Variants in AFDN observed in about 807,000 individuals in gnomAD.
The protein encoded by AFDN is afadin.
A neutral mutation model predicts 216.6 loss-of-function variants in AFDN; 68 were observed. That is an observed-to-expected ratio of 0.31 (90% CI 0.26 to 0.38). The LOEUF (loss-of-function observed/expected upper bound fraction) is 0.38. Among genes scored for constraint, AFDN ranks in the 10% least tolerant of loss-of-function variants. The pLI, the probability that AFDN is intolerant of heterozygous loss-of-function variation, is 1.00. For missense variants in AFDN, 2,136 were observed against 2,342.0 expected (o/e 0.91, Z 1.82); for synonymous variants, 868 against 853.7 (o/e 1.02, Z -0.29).
intron 11 of AFDN, 45 bp downstream of exon 11, chr6:167,898,512 A>G (rs181558522): frequency 1.3e-6 from 2 of 1,545,452 alleles, no homozygotes; most frequent in Non-Finnish European, 1.8e-6. Flanking sequence ...GATTATACTT[A>G]AAGTAGTTCA....
In AFDN at chr6:167,952,061, G is replaced by A. The variant is rs1275764211; in HGVS notation, c.4707G>A (p.Leu1569=). The A allele has an allele frequency of 5.0e-6, 8 of 1,614,174 alleles. No individual in the cohort carries two copies. Among genetic ancestry groups the A allele is most frequent in the Non-Finnish European group, 6.8e-6 (8 of 1,180,020 alleles). Residue 1569 remains leucine (L), a synonymous_variant, in exon 30 of 34, where the codon CTG becomes CTA. Coordinates refer to ENST00000683244, the MANE Select transcript of AFDN (RefSeq NM_001386888.1). The part of the protein sequence containing the change: ...EESDRLRKLM[L]EWQFQKRLQE... ...GCGACCGGCTGCGCAAGCTCATGCT[G>A]GAGTGGCAGTTCCAGAAGAGACTCC...
At chr6:167,838,836 A>G (rs1316513555) in intron 1 of AFDN, among the ~76,000 whole-genome samples, 1 of 152,206 alleles carries the variant, frequency 6.6e-6, no homozygotes, top group Non-Finnish European at 1.5e-5. Context: ...TGCTCTGAAT[A>G]TTTGATTTTA....
chr6:167,954,731 C>T (rs1465710366), intron 30 of AFDN, among the ~76,000 whole-genome samples: 3 of 152,080 alleles, frequency 2.0e-5, no homozygotes, highest in Admixed American at 6.5e-5. Context: ...GACCTTTTCT[C>T]GGTTTCAGTC....
Position 167,889,216 on chromosome 6 carries a change from T to C in AFDN, c.899T>C (p.Val300Ala). The stretch of plus-strand genomic sequence containing the variant: ...AGTTAATTATTTTTGTTTTTTTAGG[T>C]TATGCTTCCTCCTGGAGCCCAGCAT... ...ENPKDYCIAR[V>A]MLPPGAQHSD... The change falls in exon 7 of 34, where the codon GTT becomes GCT. Residue 300 changes from valine (V) to alanine (A), a missense_variant and splice_region_variant. Physicochemically the swap from Val to Ala is moderately conservative, Grantham distance 64. This residue lies in a region of AFDN where 817 missense variants were observed against 965.7 expected (regional missense o/e 0.85). Transcript: ENST00000683244. The C allele has an allele frequency of 6.2e-7, 1 of 1,612,196 alleles. No homozygotes were observed.
intron 6 of AFDN, 117 bp from the exon 7 acceptor site, chr6:167,889,098 A>G: frequency 1.6e-6 from 1 of 623,564 alleles, no homozygotes; most frequent in Admixed American, 2.9e-5. Flanking sequence ...AATTGTTTCT[A>G]GTGCTTAATT....
chr6:167,868,451 T>A (rs1033485889), intron 2 of AFDN, among the ~76,000 whole-genome samples: 1 of 152,210 alleles, frequency 6.6e-6, no homozygotes, highest in Non-Finnish European at 1.5e-5. Context: ...GTATCTCATA[T>A]TTATCATTTA....
intron 1 of AFDN, among the ~76,000 whole-genome samples, chr6:167,850,757 G>A (rs1056949995): frequency 2.6e-5 from 4 of 152,096 alleles, no homozygotes; most frequent in Non-Finnish European, 5.9e-5. Context: ...TAAGAACATG[G>A]TTATTTTCTG....
intron 1 of AFDN, among the ~76,000 whole-genome samples, chr6:167,832,894 T>A (rs1173762091): frequency 6.6e-6 from 1 of 152,220 alleles, no homozygotes. Flanking sequence ...CTTTACCTTG[T>A]AAGCGTCACT....
At chr6:167,913,337 A>C in intron 15 of AFDN, 66 bp from the exon 16 acceptor site, 1 of 1,466,388 alleles carries the variant, frequency 6.8e-7, no homozygotes, top group Non-Finnish European at 9.2e-7. Context: ...TTTTTAAACT[A>C]TCATGATTGT....
In AFDN at chr6:167,916,491, G is replaced by GT. The variant is rs571776016; in HGVS notation, c.2566-594dup. On this transcript the variant is annotated intron_variant, in intron 19 of 33. Transcript: ENST00000683244. ...ACTTTACAGTGAAAGATGAGTACCA[G>GT]TTTTAAAATGGATGATAATTAACCC... Among the ~76,000 whole-genome samples the GT allele has an allele frequency of 1.1e-3, 172 of 152,272 alleles. 2 individuals carry two copies. The highest frequency in any genetic ancestry group is 4.1e-3 in the African/African-American group (171 of 41,548).
In AFDN at chr6:167,951,609, A is replaced by G; in HGVS notation, c.4255A>G (p.Arg1419Gly). 4.3e-6 allele frequency: 7 copies of G among 1,614,082 alleles called. No homozygotes were observed. Among genetic ancestry groups the G allele is most frequent in the Non-Finnish European group, 5.9e-6 (7 of 1,180,012 alleles). Reference sequence around the variant, plus strand: ...GGTGGCTGCTGCTGAACGGAGAAAGAGAGAAGAACATCAGCGTTGGTATGA... The same window carrying G: ...GGTGGCTGCTGCTGAACGGAGAAAGGGAGAAGAACATCAGCGTTGGTATGA... The part of the protein sequence containing the change: ...AQVAAAERRK[R>G]EEHQRWYEKE... The change falls in exon 30 of 34, where the codon AGA becomes GGA. Residue 1419 changes from arginine to glycine, a missense_variant. By Grantham distance (125) the Arg-to-Gly change is moderately radical. Around this residue, in one of 8 missense-constraint regions of AFDN, gnomAD observed 981 missense variants for 966.0 expected, o/e 1.02. Transcript: ENST00000683244. This position sits in a 1 kb window ranked among gnomAD's most constrained non-coding sequence, Gnocchi z 7.1.
At chr6:167,834,457 G>GTT (rs11446838) in intron 1 of AFDN, among the ~76,000 whole-genome samples, 19,562 of 75,112 alleles carry the variant, frequency 0.26, 3,565 homozygotes, top group East Asian at 0.51. Flanking sequence ...TGTTGTTTCG[G>GTT]TTTTTTTTTT....
chr6:167,827,441 C>T (rs1179147801), intron 1 of AFDN, among the ~76,000 whole-genome samples: 1 of 144,960 alleles, frequency 6.9e-6, no homozygotes, highest in East Asian at 2.0e-4. Context: ...GCGGTGTATC[C>T]CGGGGTCGCG....
chr6:167,851,885 AAAC>A (rs1782349680), intron 1 of AFDN, among the ~76,000 whole-genome samples: 1 of 152,220 alleles, frequency 6.6e-6, no homozygotes, highest in Non-Finnish European at 1.5e-5. Flanking sequence ...TTTTTAAAAA[AAAC>A]AGGTTTACTT....
rs1797927734 is a variant in AFDN at position 167,970,157 on chromosome 6, T to A, written c.*222T>A. On this transcript the variant is annotated 3_prime_UTR_variant, in exon 34 of 34. Transcript: ENST00000683244. The stretch of plus-strand genomic sequence containing the variant: ...TATGTAATTTAAACACTGTCTAGTT[T>A]CTTAATTATCTAACTCACACGAGGG... 4 of 473,922 alleles carry A rather than the reference T, an allele frequency of 8.4e-6. No homozygotes were observed. In the East Asian group the frequency reaches 1.6e-4, roughly 19 times the overall value. 29.4% of individuals were successfully genotyped at this position (473,922 alleles called of 1,614,324 possible). A position where few individuals can be genotyped will look rare whatever the true frequency, so the allele number is the denominator to read the frequency against.
intron 8 of AFDN, among the ~76,000 whole-genome samples, chr6:167,892,991 T>C (rs1206640007): frequency 6.6e-6 from 1 of 152,172 alleles, no homozygotes; most frequent in African/African-American, 2.4e-5. Flanking sequence ...AAGGATTAAG[T>C]TCCTTCCCGC....
intron 28 of AFDN, 38 bp from the exon 29 acceptor site, chr6:167,948,255 G>T: frequency 1.3e-6 from 2 of 1,558,224 alleles, no homozygotes; most frequent in Non-Finnish European, 1.7e-6. Context: ...CTGTATGGTT[G>T]TAAAAAGCTC....
intron 2 of AFDN, among the ~76,000 whole-genome samples, chr6:167,869,097 AAGT>A: frequency 6.6e-6 from 1 of 152,140 alleles, no homozygotes. Context: ...CTTTTCTGCA[AAGT>A]ATAGCAGTTT....
At chr6:167,859,328 G>T (rs763524947) in intron 1 of AFDN, among the ~76,000 whole-genome samples, 1 of 152,156 alleles carries the variant, frequency 6.6e-6, no homozygotes, top group Non-Finnish European at 1.5e-5. Context: ...CTAGCAACTG[G>T]TGTGTGTTGA....
Sources: allele counts gnomAD v4.1 joint callset (sites outside exome capture counted in the v4.1 genomes callset), GRCh38; gene constraint gnomAD v4.1.1; regional missense constraint gnomAD v4.1.1; non-coding constraint Gnocchi (gnomAD v3.1); transcripts MANE v1.5; gene names NCBI Gene and HGNC (gene_info 2026-07-23, HGNC 2026-07-21).